The following SPOCK1 variants were observed in gnomAD, a reference collection of about 807,000 sequenced individuals.
SPOCK1 encodes SPARC (osteonectin), cwcv and kazal like domains proteoglycan 1.
Under a neutral mutation model 55.3 loss-of-function variants are expected in SPOCK1, and 23 were observed. The observed-to-expected ratio is 0.42, with a 90% CI of 0.30 to 0.59. The LOEUF is 0.59. Ranked by LOEUF, SPOCK1 falls within the 20% of genes least tolerant of loss-of-function variation. The probability of loss-of-function intolerance (pLI) is 0.22; values close to 1 mark genes in which losing one functional copy is unlikely to be tolerated. For missense variants in SPOCK1, 499 were observed against 552.5 expected, an observed-to-expected ratio of 0.90 and a Z score of 0.97; for synonymous variants, 226 against 221.0, an observed-to-expected ratio of 1.02 and a Z score of -0.20.
intron 2 of SPOCK1, among the ~76,000 whole-genome samples, chr5:137,293,830 C>G (rs969175261): frequency 1.3e-5 from 2 of 152,168 alleles, no homozygotes; most frequent in Admixed American, 1.3e-4. Flanking sequence ...TCCTCGCTAA[C>G]ACGGTGAAAC....
intron 2 of SPOCK1, among the ~76,000 whole-genome samples, chr5:137,357,404 G>T (rs1271652201): frequency 1.3e-5 from 2 of 152,216 alleles, no homozygotes; most frequent in African/African-American, 4.8e-5. Flanking sequence ...TGCACACTTT[G>T]TTCTAGGCAC....
At chr5:137,162,515 G>A (rs945029764) in intron 3 of SPOCK1, among the ~76,000 whole-genome samples, 15 of 151,972 alleles carry the variant, frequency 9.9e-5, no homozygotes, top group African/African-American at 3.4e-4. Flanking sequence ...TCCCTGCCTC[G>A]GTAGTCATTT....
At chr5:137,162,484 A>AG (rs1320621266) in intron 3 of SPOCK1, among the ~76,000 whole-genome samples, 1 of 152,096 alleles carries the variant, frequency 6.6e-6, no homozygotes, top group Non-Finnish European at 1.5e-5. Context: ...GTGTGCCTAA[A>AG]TCAGAGATGA....
chr5:137,024,236 G>A lies in SPOCK1; in HGVS notation c.590-31636C>T, dbSNP rs1003074243. On this transcript the variant is annotated intron_variant, in intron 6 of 10. Transcript: ENST00000394945. ...ATGAGAGAGTGCGGCCGAGGGTGACGGGTGTAATTAAAATTATGTTCGGCT... is the reference window on the plus strand; with the variant it reads ...ATGAGAGAGTGCGGCCGAGGGTGACAGGTGTAATTAAAATTATGTTCGGCT... Among the ~76,000 whole-genome samples the A allele has an allele frequency of 6.8e-5, 10 of 147,338 alleles. No homozygotes were observed. In the East Asian group the frequency reaches 2.0e-3, roughly 29 times the overall value.
intron 2 of SPOCK1, among the ~76,000 whole-genome samples, chr5:137,485,986 T>A (rs955889923): frequency 6.6e-6 from 1 of 152,212 alleles, no homozygotes; most frequent in Non-Finnish European, 1.5e-5. Context: ...TCGATCTCTG[T>A]ATGCTATGCT....
At chr5:137,450,987 A>G (rs1484046954) in intron 2 of SPOCK1, among the ~76,000 whole-genome samples, 2 of 152,130 alleles carry the variant, frequency 1.3e-5, no homozygotes, top group Non-Finnish European at 2.9e-5. Context: ...CCAAGGCAAG[A>G]GCAATCATGG....
chr5:137,043,038 T>C (rs547129181), intron 6 of SPOCK1, among the ~76,000 whole-genome samples: 1 of 152,270 alleles, frequency 6.6e-6, no homozygotes, highest in African/African-American at 2.4e-5. Flanking sequence ...TTGCTGATTC[T>C]ATGGCTGGGA....
chr5:137,462,820 T>C (rs1753517368), intron 2 of SPOCK1, among the ~76,000 whole-genome samples: 1 of 152,188 alleles, frequency 6.6e-6, no homozygotes, highest in African/African-American at 2.4e-5. Flanking sequence ...GCATGCTGAA[T>C]AGTATCTCAG....
chr5:137,395,107 G>T (rs1561524170), intron 2 of SPOCK1, among the ~76,000 whole-genome samples: 1 of 152,198 alleles, frequency 6.6e-6, no homozygotes, highest in Non-Finnish European at 1.5e-5. Context: ...TGCCCAGCAT[G>T]TGGCATGTGT....
intron 4 of SPOCK1, among the ~76,000 whole-genome samples, chr5:137,117,167 G>A (rs2905964): frequency 0.75 from 114,420 of 152,184 alleles, 43,317 homozygotes; most frequent in African/African-American, 0.81. Flanking sequence ...AGTTTTCCCT[G>A]CCATGCAGTC....
intron 6 of SPOCK1, among the ~76,000 whole-genome samples, chr5:137,006,512 G>A (rs1049197830): frequency 2.6e-5 from 4 of 152,066 alleles, no homozygotes; most frequent in African/African-American, 7.2e-5. Context: ...TATTATTGGT[G>A]TATATGAATG....
intron 2 of SPOCK1, among the ~76,000 whole-genome samples, chr5:137,285,876 A>C (rs1427528058): frequency 6.6e-6 from 1 of 152,030 alleles, no homozygotes; most frequent in East Asian, 1.9e-4. Flanking sequence ...AGTCAGCACA[A>C]TTGTTTTTTT....
chr5:137,044,206 T>G (rs1752059399), intron 6 of SPOCK1, among the ~76,000 whole-genome samples: 1 of 152,180 alleles, frequency 6.6e-6, no homozygotes, highest in Admixed American at 6.5e-5. Flanking sequence ...TGTCTCTAAG[T>G]GACGCATCAG....
chr5:136,979,684 G>A (rs778444361), intron 9 of SPOCK1, among the ~76,000 whole-genome samples: 3 of 152,106 alleles, frequency 2.0e-5, no homozygotes, highest in African/African-American at 4.8e-5. Flanking sequence ...GTGTTTAAAC[G>A]GGAATGATAA....
intron 3 of SPOCK1, among the ~76,000 whole-genome samples, chr5:137,157,412 A>G (rs1342800131): frequency 6.6e-6 from 1 of 152,184 alleles, no homozygotes; most frequent in Non-Finnish European, 1.5e-5. Flanking sequence ...TTAATTTAGC[A>G]ATCCTCTGTC....
intron 5 of SPOCK1, among the ~76,000 whole-genome samples, chr5:137,102,133 T>C (rs1032921068): frequency 7.2e-5 from 11 of 152,130 alleles, no homozygotes; most frequent in African/African-American, 2.7e-4. Flanking sequence ...TAAACTCTTT[T>C]CCTCCCACTT....
At chr5:137,025,558 CAAAG>C (rs1256440268) in intron 6 of SPOCK1, among the ~76,000 whole-genome samples, 1 of 152,128 alleles carries the variant, frequency 6.6e-6, no homozygotes, top group Non-Finnish European at 1.5e-5. Context: ...TCCTCAAAAA[CAAAG>C]AAGCAGCTGG....
At chr5:137,438,081 A>G (rs960090647) in intron 2 of SPOCK1, among the ~76,000 whole-genome samples, 3 of 152,152 alleles carry the variant, frequency 2.0e-5, no homozygotes, top group African/African-American at 7.2e-5. Flanking sequence ...GTTTTAGCAT[A>G]TGTCAGAATT....
rs533083345 is a variant in SPOCK1, at chr5:137,125,127, T to A, written c.348-12566A>T. 8.5e-5 allele frequency among the ~76,000 whole-genome samples: 13 copies of A among 152,326 alleles called. No individual in the cohort carries two copies. In the South Asian group the frequency reaches 2.3e-3, roughly 27 times the overall value. ...GCATCACTTTGCAACTCGGCTGACC[T>A]AACACAGCTTCCATTAAGTGCACCA... is the stretch of plus-strand genomic sequence containing the variant. On this transcript the variant is annotated intron_variant, in intron 4 of 10. Transcript: ENST00000394945.
Sources: gnomAD v4.1 joint callset for allele counts (sites outside exome capture counted in the v4.1 genomes callset) on GRCh38, gnomAD v4.1.1 for gene constraint, MANE v1.5 for transcripts, NCBI Gene and HGNC (gene_info 2026-07-23, HGNC 2026-07-21) for gene names.